PCSK1: variants seen among roughly 807,000 people sequenced by gnomAD.
PCSK1 encodes proprotein convertase subtilisin/kexin type 1.
In PCSK1, 56 loss-of-function variants were observed where a neutral mutation model predicts 90.6. That is an observed-to-expected ratio of 0.62 (90% CI 0.50 to 0.77). The LOEUF (loss-of-function observed/expected upper bound fraction) is 0.77. PCSK1 is among the 30% of genes least tolerant of loss of function. The pLI is 0.00. For missense variants in PCSK1, 801 were observed against 932.6 expected (o/e 0.86, Z 1.84); for synonymous variants, 348 against 342.4 (o/e 1.02, Z -0.18).
intron 5 of PCSK1, among the ~76,000 whole-genome samples, chr5:96,421,079 C>T (rs1001108161): frequency 5.9e-5 from 9 of 152,152 alleles, no homozygotes; most frequent in South Asian, 4.1e-4. Flanking sequence ...ATGGTCTCTC[C>T]CATGGGCATG....
At chr5:96,396,589 G>A (rs990360397) in intron 12 of PCSK1, among the ~76,000 whole-genome samples, 8 of 151,654 alleles carry the variant, frequency 5.3e-5, no homozygotes, top group Middle Eastern at 3.2e-3. Context: ...TTATTTAGGC[G>A]TATAATTCTA....
chr5:96,419,570 T>C (rs1347185348), intron 5 of PCSK1, among the ~76,000 whole-genome samples: 1 of 151,480 alleles, frequency 6.6e-6, no homozygotes, highest in South Asian at 2.1e-4. Flanking sequence ...AACTACTAAG[T>C]GGCAGATCTA....
chr5:96,393,576 CT>C (rs1468291068), intron 13 of PCSK1, among the ~76,000 whole-genome samples, 198 bp from the exon 14 acceptor site: 1 of 152,116 alleles, frequency 6.6e-6, no homozygotes, highest in African/African-American at 2.4e-5. Context: ...CTTTAACAAC[CT>C]TTTTAATCTC....
chr5:96,429,385 C>G (rs1761419142), intron 1 of PCSK1, 68 bp from the exon 2 acceptor site: 1 of 851,928 alleles, frequency 1.2e-6, no homozygotes, highest in Non-Finnish European at 2.0e-6. Flanking sequence ...TAGTTTAAAA[C>G]TCAGCTAACT....
At chr5:96,405,705 T>TATAGG (rs1422352135) in intron 9 of PCSK1, among the ~76,000 whole-genome samples, 3 of 152,322 alleles carry the variant, frequency 2.0e-5, no homozygotes, top group Non-Finnish European at 4.4e-5. Context: ...TTATTTTCTG[T>TATAGG]ATAGGATCAT....
rs753853912 is a variant in PCSK1, at chr5:96,393,368, G to A, written c.1895C>T (p.Thr632Ile). ...KMVDPGEEQP[T>I]QENPKENTLV... ...GGTGTTCTCCTTAGGGTTCTCTTGT[G>A]TGGGCTGCTCCTAAAACATAGAATG... Residue 632 changes from threonine to isoleucine, a missense_variant, in exon 14 of 14, where the codon ACA becomes ATA. Coordinates refer to ENST00000311106, the MANE Select transcript of PCSK1 (RefSeq NM_000439.5). 2.2e-5 allele frequency: 35 copies of A among 1,613,856 alleles called. No homozygotes were observed. In the South Asian group the frequency reaches 3.1e-4, roughly 14 times the overall value.
intron 6 of PCSK1, 27 bp from the exon 7 acceptor site, chr5:96,412,517 A>T: frequency 6.2e-7 from 1 of 1,603,904 alleles, no homozygotes; most frequent in Non-Finnish European, 8.5e-7. Flanking sequence ...ACAAAGACAC[A>T]CAAAGGTTGA....
chr5:96,430,163 G>A (rs527323923), intron 1 of PCSK1, among the ~76,000 whole-genome samples: 2 of 152,174 alleles, frequency 1.3e-5, no homozygotes, highest in Non-Finnish European at 2.9e-5. Flanking sequence ...ATTTAGGGCA[G>A]TTGTCCCACT....
In PCSK1 at chr5:96,433,214, G is replaced by T; in HGVS notation, c.-172C>A. On this transcript the variant is annotated 5_prime_UTR_variant, in exon 1 of 14. Transcript: ENST00000311106. ...GAGAGGAGAGGCTGGGCGGCGGCGA[G>T]CGCTCAGTGAAGCGCTTCGGTCTCC... 1.5e-6 allele frequency: 1 copy of T among 672,816 alleles called. No individual in the cohort carries two copies. The highest frequency in any genetic ancestry group is 2.7e-6 in the Non-Finnish European group (1 of 376,040). 41.7% of individuals were successfully genotyped at this position (672,816 alleles called of 1,614,324 possible).
chr5:96,413,765 C>T (rs1760846759), intron 6 of PCSK1, among the ~76,000 whole-genome samples: 3 of 142,424 alleles, frequency 2.1e-5, no homozygotes. Flanking sequence ...GCAACCACTG[C>T]ACTCCAGCCT....
At chr5:96,396,386 C>A (rs1295212179) in intron 12 of PCSK1, among the ~76,000 whole-genome samples, 1 of 151,998 alleles carries the variant, frequency 6.6e-6, no homozygotes, top group Non-Finnish European at 1.5e-5. Context: ...CATGGTGAAA[C>A]CCCATTTCTA....
In PCSK1 at chr5:96,392,971, A is replaced by G; in HGVS notation, c.*30T>C. 2.5e-6 allele frequency: 4 copies of G among 1,612,636 alleles called. No homozygotes were observed. Among genetic ancestry groups the G allele is most frequent in the Non-Finnish European group, 3.4e-6 (4 of 1,178,718 alleles). On this transcript the variant is annotated 3_prime_UTR_variant, in exon 14 of 14. Transcript: ENST00000311106. ...ATCGCAGGGTAAGGAAGAAGCATGA[A>G]TATTTCCAACTTGGGACCACACACT... is the stretch of plus-strand genomic sequence containing the variant.
At chr5:96,396,561 C>A (rs77507204) in intron 12 of PCSK1, among the ~76,000 whole-genome samples, 390 of 122,138 alleles carry the variant, frequency 3.2e-3, no homozygotes, top group African/African-American at 2.8e-3. Flanking sequence ...GACTCCGTCT[C>A]AAAAAAAAAA....
intron 2 of PCSK1, 79 bp from the exon 3 acceptor site, chr5:96,426,009 C>A: frequency 2.5e-6 from 2 of 805,070 alleles, no homozygotes; most frequent in Non-Finnish European, 4.3e-6. Flanking sequence ...CTCCAGTACC[C>A]TTCCCATCAG....
At chr5:96,404,291 G>A (rs1018501839) in intron 9 of PCSK1, among the ~76,000 whole-genome samples, 3 of 152,150 alleles carry the variant, frequency 2.0e-5, no homozygotes, top group African/African-American at 7.2e-5. Context: ...TGGGAGATTT[G>A]TTAAAAAAGG....
At chr5:96,405,953 C>G (rs1274318007) in intron 9 of PCSK1, among the ~76,000 whole-genome samples, 1 of 152,154 alleles carries the variant, frequency 6.6e-6, no homozygotes, top group Non-Finnish European at 1.5e-5. Context: ...TTTCTTTTAA[C>G]AGCTCCCTGG....
At chr5:96,396,010 G>A (rs1003904793) in intron 12 of PCSK1, among the ~76,000 whole-genome samples, 1 of 152,096 alleles carries the variant, frequency 6.6e-6, no homozygotes, top group African/African-American at 2.4e-5. Context: ...TCCCACCTTG[G>A]TAAATAGATT....
At chr5:96,415,863 C>G (rs1363772112) in intron 6 of PCSK1, among the ~76,000 whole-genome samples, 170 bp downstream of exon 6, 2 of 152,034 alleles carry the variant, frequency 1.3e-5, no homozygotes, top group Non-Finnish European at 2.9e-5. Context: ...TCTAGGAATC[C>G]ATATCTATTG....
rs372418247 is a variant in PCSK1 at position 96,409,287 on chromosome 5, T to TA, written c.1096-965dup. Among the ~76,000 whole-genome samples, 13 of 152,118 alleles carry TA rather than the reference T, an allele frequency of 8.5e-5. 1 individual carries two copies. Among genetic ancestry groups the TA allele is most frequent in the African/African-American group, 3.1e-4 (13 of 41,502 alleles). The stretch of plus-strand genomic sequence containing the variant: ...GATTTCGATGTGTGGGAGGGAGGTG[T>TA]AAAAAAATAATTTGTTCTATTATCA... On this transcript the variant is annotated intron_variant, in intron 8 of 13. Transcript: ENST00000311106.
Sources: gnomAD v4.1 joint callset for allele counts (sites outside exome capture counted in the v4.1 genomes callset) on GRCh38, gnomAD v4.1.1 for gene constraint, MANE v1.5 for transcripts, NCBI Gene and HGNC (gene_info 2026-07-23, HGNC 2026-07-21) for gene names.